FOXP1: variants seen among roughly 807,000 people sequenced by gnomAD.
The protein encoded by FOXP1 is forkhead box P1.
FOXP1 carries 15 observed loss-of-function variants against 98.2 expected under a neutral mutation model. The ratio of observed to expected loss-of-function variants is 0.15; its 90% confidence interval spans 0.10 to 0.24. The LOEUF (loss-of-function observed/expected upper bound fraction) is 0.24. Ranked by LOEUF, FOXP1 falls within the 10% of genes least tolerant of loss-of-function variation. FOXP1 has a pLI of 1.00. For missense variants in FOXP1, 633 were observed against 848.5 expected (o/e 0.75, Z 3.15); for synonymous variants, 371 against 314.5 (o/e 1.18, Z -1.90).
chr3:71,071,620 C>G (rs2053241416), intron 7 of FOXP1, among the ~76,000 whole-genome samples: 1 of 152,096 alleles, frequency 6.6e-6, no homozygotes, highest in Admixed American at 6.6e-5. Context: ...TGTCACCCAG[C>G]CTGGAGTGCA....
chr3:71,278,941 C>T (rs1017115218), intron 5 of FOXP1, among the ~76,000 whole-genome samples: 2 of 152,038 alleles, frequency 1.3e-5, no homozygotes, highest in African/African-American at 4.8e-5. Flanking sequence ...CCTGTAATCC[C>T]AGCACTTTGG....
intron 3 of FOXP1, among the ~76,000 whole-genome samples, chr3:71,371,614 C>T (rs2079319077): frequency 6.6e-6 from 1 of 152,152 alleles, no homozygotes; most frequent in African/African-American, 2.4e-5. Flanking sequence ...GGCAAGATTC[C>T]ATTACAATAA....
intron 7 of FOXP1, among the ~76,000 whole-genome samples, chr3:71,103,287 C>T (rs908819460): frequency 6.6e-6 from 1 of 152,180 alleles, no homozygotes; most frequent in African/African-American, 2.4e-5. Context: ...GGAACTTGAG[C>T]TTCATCCTAT....
intron 6 of FOXP1, among the ~76,000 whole-genome samples, chr3:71,164,491 G>A (rs2061310696): frequency 6.6e-6 from 1 of 152,180 alleles, no homozygotes. Context: ...GAGGCACAGC[G>A]CCCGGTCCCG....
At chr3:71,555,688 T>G (rs1431463174) in intron 2 of FOXP1, among the ~76,000 whole-genome samples, 1 of 152,186 alleles carries the variant, frequency 6.6e-6, no homozygotes, top group African/African-American at 2.4e-5. Flanking sequence ...ATGCATATAA[T>G]CAACACTTAA....
intron 3 of FOXP1, among the ~76,000 whole-genome samples, chr3:71,401,719 T>C (rs891416045): frequency 7.2e-5 from 11 of 152,186 alleles, no homozygotes; most frequent in African/African-American, 2.7e-4. Flanking sequence ...AATTGGTTGA[T>C]ACCTTCCTTC....
intron 3 of FOXP1, among the ~76,000 whole-genome samples, chr3:71,422,491 TG>T (rs1334011534): frequency 6.6e-6 from 1 of 152,298 alleles, no homozygotes; most frequent in African/African-American, 2.4e-5. Flanking sequence ...AGTGAGGGCA[TG>T]GGGTCCCTCC....
chr3:71,079,650 C>T (rs923223479), intron 7 of FOXP1, among the ~76,000 whole-genome samples: 4 of 152,152 alleles, frequency 2.6e-5, no homozygotes, highest in Non-Finnish European at 5.9e-5. Flanking sequence ...GACCTGTTCA[C>T]GTCAGGGCTT....
chr3:71,268,901 G>T (rs2070027182), intron 5 of FOXP1, among the ~76,000 whole-genome samples: 2 of 152,008 alleles, frequency 1.3e-5, no homozygotes, highest in Admixed American at 6.5e-5. Context: ...CAAATTCCAG[G>T]GTCTCCCTAT....
intron 11 of FOXP1, among the ~76,000 whole-genome samples, chr3:71,035,594 T>C (rs1410989545): frequency 3.3e-5 from 5 of 152,200 alleles, no homozygotes; most frequent in Non-Finnish European, 7.3e-5. Context: ...TGTTATAGAT[T>C]GTTTAAATGC....
Position 71,395,229 on chromosome 3 carries a change from G to A in FOXP1, c.-167-35985C>T, listed in dbSNP as rs906414453. On this transcript the variant is annotated intron_variant, in intron 3 of 20. Coordinates refer to ENST00000649528, the MANE Select transcript of FOXP1 (RefSeq NM_001349338.3). The stretch of plus-strand genomic sequence containing the variant: ...TGGCTCATGACTGAACAGATTCCTA[G>A]TTCCCTTTTAGCATTAAAGTAATAG... 6.0e-5 allele frequency among the ~76,000 whole-genome samples: 9 copies of A among 150,920 alleles called. No individual in the cohort carries two copies. The East Asian group carries it at 1.6e-3, about 26-fold the overall frequency.
At chr3:71,118,167 C>T (rs1199654771) in intron 6 of FOXP1, among the ~76,000 whole-genome samples, 3 of 152,180 alleles carry the variant, frequency 2.0e-5, no homozygotes, top group Non-Finnish European at 4.4e-5. Flanking sequence ...GCTGCTGGCT[C>T]GGTAGGTCCT....
intron 2 of FOXP1, among the ~76,000 whole-genome samples, chr3:71,544,354 G>A (rs551129271): frequency 6.8e-6 from 1 of 147,256 alleles, no homozygotes; most frequent in African/African-American, 2.5e-5. Context: ...TTAAAAAGAT[G>A]TATCAAAGGA....
chr3:71,056,490 T>A (rs2050664482), intron 7 of FOXP1, among the ~76,000 whole-genome samples: 1 of 152,064 alleles, frequency 6.6e-6, no homozygotes, highest in African/African-American at 2.4e-5. Flanking sequence ...TGCTGATGAG[T>A]AATAATATGC....
rs199513519 is a variant in FOXP1, at chr3:71,544,040, CAT to C, written c.-298+37507_-298+37508del. ...ACACACATATACACACATATACACA[CAT>C]ATATGTGTGTATACACATACATATA... is the stretch of plus-strand genomic sequence containing the variant. On this transcript the variant is annotated intron_variant, in intron 2 of 20. Coordinates refer to ENST00000649528, the MANE Select transcript of FOXP1 (RefSeq NM_001349338.3). Among the ~76,000 whole-genome samples the C allele has an allele frequency of 3.3e-3, 503 of 151,108 alleles. 20 individuals carry two copies. In the East Asian group the frequency reaches 0.074, roughly 22 times the overall value.
At chr3:70,981,977 C>A (rs1373051361) in intron 14 of FOXP1, among the ~76,000 whole-genome samples, 1 of 152,172 alleles carries the variant, frequency 6.6e-6, no homozygotes, top group Non-Finnish European at 1.5e-5. Context: ...GAAATGTCAA[C>A]CTTGTCAACT....
chr3:71,506,054 C>T (rs17718736), intron 2 of FOXP1, among the ~76,000 whole-genome samples: 2 of 152,032 alleles, frequency 1.3e-5, no homozygotes, highest in African/African-American at 4.8e-5. Context: ...GCCTTGTCAC[C>T]GGGAGTACAT....
At chr3:71,433,226 C>T (rs1371654878) in intron 3 of FOXP1, among the ~76,000 whole-genome samples, 1 of 152,160 alleles carries the variant, frequency 6.6e-6, no homozygotes, top group Non-Finnish European at 1.5e-5. Context: ...TATTGACATA[C>T]AAGGACCCTG....
At chr3:71,283,721 T>C (rs945067448) in intron 5 of FOXP1, among the ~76,000 whole-genome samples, 3 of 152,220 alleles carry the variant, frequency 2.0e-5, no homozygotes, top group Non-Finnish European at 2.9e-5. Context: ...CAAAAGAGCC[T>C]TTTGGTTTTT....
Sources: gnomAD v4.1 joint callset for allele counts (sites outside exome capture counted in the v4.1 genomes callset) on GRCh38, gnomAD v4.1.1 for gene constraint, MANE v1.5 for transcripts, NCBI Gene and HGNC (gene_info 2026-07-23, HGNC 2026-07-21) for gene names.